The following C2CD3 variants were observed in gnomAD, a reference collection of about 807,000 sequenced individuals.
The protein encoded by C2CD3 is C2 domain containing 3 centriole elongation regulator.
C2CD3 carries 148 observed loss-of-function variants against 234.0 expected under a neutral mutation model. The observed-to-expected ratio is 0.63, with a 90% CI of 0.55 to 0.72. C2CD3 has a LOEUF of 0.72. Ranked by LOEUF, C2CD3 falls within the 30% of genes least tolerant of loss-of-function variation. The probability of loss-of-function intolerance (pLI) is 0.00; values close to 1 mark genes in which losing one functional copy is unlikely to be tolerated. For synonymous variants in C2CD3, 1,000 were observed against 1,035.4 expected, an observed-to-expected ratio of 0.97 and a Z score of 0.66; for missense variants, 2,577 against 2,811.5, an observed-to-expected ratio of 0.92 and a Z score of 1.89.
At chr11:74,075,369 G>T (rs117116373) in intron 23 of C2CD3, among the ~76,000 whole-genome samples, 10,297 of 151,606 alleles carry the variant, frequency 0.068, 417 homozygotes, top group Middle Eastern at 0.13. Flanking sequence ...GATATTTTGG[G>T]GGGGGGTGGG....
At chr11:74,014,157 C>T (rs1284078425) in intron 32 of C2CD3, among the ~76,000 whole-genome samples, 1 of 152,178 alleles carries the variant, frequency 6.6e-6, no homozygotes, top group East Asian at 1.9e-4. Flanking sequence ...TCCTCTAACT[C>T]ATTTTTCTTT....
At position 74,168,484 on chromosome 11, in the gene C2CD3, C is replaced by A; in HGVS notation, c.185G>T (p.Arg62Leu). 1.9e-6 allele frequency: 3 copies of A among 1,614,178 alleles called. No individual in the cohort carries two copies. The highest frequency in any genetic ancestry group is 2.5e-6 in the Non-Finnish European group (3 of 1,180,028). ...TGATGTTTCTCCCCACCATCTCACT[C>A]GGACAAGTACACAAGTGGGAGGCTT... ...IAKPPTCVLV[R>L]VRWWGETSDG... The change falls in exon 2 of 33, where the codon CGA becomes CTA. Residue 62 changes from arginine to leucine, a missense_variant. Arg to Leu is a moderately radical substitution (Grantham distance 102). Coordinates refer to ENST00000334126, the MANE Select transcript of C2CD3 (RefSeq NM_001286577.2).
chr11:74,112,967 C>G (rs1038016054), intron 11 of C2CD3, among the ~76,000 whole-genome samples: 3 of 152,164 alleles, frequency 2.0e-5, no homozygotes, highest in African/African-American at 7.2e-5. Context: ...GAAATGAAAG[C>G]ACACAGTCCA....
At chr11:74,159,515 T>A (rs532272104) in intron 3 of C2CD3, among the ~76,000 whole-genome samples, 1 of 152,148 alleles carries the variant, frequency 6.6e-6, no homozygotes, top group East Asian at 1.9e-4. Flanking sequence ...TGTGTGTTTG[T>A]GTCTAAGTTT....
Position 74,085,764 on chromosome 11 carries a change from C to G in C2CD3, c.3764G>C (p.Cys1255Ser). Residue 1255 changes from cysteine (C) to serine (S), a missense_variant, in exon 21 of 33, where the codon TGT (cysteine) becomes TCT (serine). Physicochemically the swap from Cys to Ser is moderately radical, Grantham distance 112. Transcript: ENST00000334126. ...GEQRRTHPVA[C>S]SFCPEFSHHV... ...ATGGGAGAACTCAGGGCAGAAAGAA[C>G]AGGCCACAGGGTGGGTTCGGCGCTG... 2.5e-6 allele frequency: 4 copies of G among 1,614,144 alleles called. No homozygotes were observed. Among genetic ancestry groups the G allele is most frequent in the Non-Finnish European group, 2.5e-6 (3 of 1,180,024 alleles).
chr11:74,032,473 G>A (rs1952562330), intron 31 of C2CD3, among the ~76,000 whole-genome samples: 2 of 148,128 alleles, frequency 1.4e-5, no homozygotes, highest in Admixed American at 1.3e-4. Flanking sequence ...GGAAGGAGTG[G>A]GGAATGTCAG....
chr11:74,071,322 C>T (rs555258325), intron 24 of C2CD3, among the ~76,000 whole-genome samples: 1 of 152,316 alleles, frequency 6.6e-6, no homozygotes, highest in South Asian at 2.1e-4. Context: ...ATCTGACTTT[C>T]CAGACGTCAC....
Position 74,168,338 on chromosome 11 carries a change from A to G in C2CD3, c.325+6T>C, listed in dbSNP as rs777027571. On this transcript the variant is annotated splice_donor_region_variant and intron_variant, in intron 2 of 32. Coordinates refer to ENST00000334126, the MANE Select transcript of C2CD3 (RefSeq NM_001286577.2). The stretch of plus-strand genomic sequence containing the variant: ...CTGCAGGTGCAATGATAAAACAATA[A>G]CATACCTGTTAGATAAGAGGTAAAC... The G allele has an allele frequency of 1.2e-6, 2 of 1,608,896 alleles. No homozygotes were observed. The highest frequency in any genetic ancestry group is 1.7e-6 in the Non-Finnish European group (2 of 1,175,226).
At chr11:74,116,603 G>T (rs760212724) in intron 9 of C2CD3, among the ~76,000 whole-genome samples, 2 of 151,944 alleles carry the variant, frequency 1.3e-5, no homozygotes, top group African/African-American at 2.4e-5. Flanking sequence ...ACTACCATTT[G>T]ACCCAGCAAT....
At chr11:74,056,347 T>C (rs1205429993) in intron 25 of C2CD3, among the ~76,000 whole-genome samples, 1 of 152,256 alleles carries the variant, frequency 6.6e-6, no homozygotes, top group Non-Finnish European at 1.5e-5. Context: ...TGGCTTCCTA[T>C]GCCAGCCCCC....
At chr11:74,153,501 C>T (rs1855813785) in intron 3 of C2CD3, among the ~76,000 whole-genome samples, 1 of 152,012 alleles carries the variant, frequency 6.6e-6, no homozygotes. Flanking sequence ...TATATGCAAG[C>T]CTGCATGATG....
chr11:74,069,956 T>TA (rs761779694), intron 24 of C2CD3, among the ~76,000 whole-genome samples: 8 of 152,152 alleles, frequency 5.3e-5, no homozygotes, highest in Non-Finnish European at 1.2e-4. Flanking sequence ...CCCAATAAGA[T>TA]AAAGACTATG....
chr11:74,030,816 CCTGT>C (rs1460960202), intron 31 of C2CD3, among the ~76,000 whole-genome samples: 2 of 152,206 alleles, frequency 1.3e-5, no homozygotes, highest in East Asian at 1.9e-4. Context: ...GTCTCCCAAA[CCTGT>C]CTATGTGCTG....
At chr11:74,069,890 G>A (rs1954716520) in intron 24 of C2CD3, among the ~76,000 whole-genome samples, 1 of 152,142 alleles carries the variant, frequency 6.6e-6, no homozygotes, top group Non-Finnish European at 1.5e-5. Flanking sequence ...CCTGTACAAG[G>A]TGAGTCAGAT....
At chr11:74,066,585 A>G (rs1196607804) in intron 24 of C2CD3, among the ~76,000 whole-genome samples, 3 of 152,150 alleles carry the variant, frequency 2.0e-5, no homozygotes, top group African/African-American at 7.2e-5. Flanking sequence ...TCTTTCAGGG[A>G]AAGAAAAGTA....
Position 74,078,477 on chromosome 11 carries a change from A to T in C2CD3, c.4241T>A (p.Leu1414Gln). 6.2e-7 allele frequency: 1 copy of T among 1,614,212 alleles called. No homozygotes were observed. ...PATVTISTPR[L>Q]WLPIHCVLLA... Reference sequence around the variant, plus strand: ...CAGCACACAATGGATGGGCAGCCACAGCCTTGGGGTGGAGATGGTGACAGT... The same window carrying T: ...CAGCACACAATGGATGGGCAGCCACTGCCTTGGGGTGGAGATGGTGACAGT... Residue 1414 changes from leucine to glutamine, a missense_variant, in exon 23 of 33, where the codon CTG (leucine) becomes CAG (glutamine). By Grantham distance (113) the Leu-to-Gln change is moderately radical. Transcript: ENST00000334126.
intron 29 of C2CD3, among the ~76,000 whole-genome samples, chr11:74,039,015 A>G (rs1952878390): frequency 6.6e-6 from 1 of 152,234 alleles, no homozygotes; most frequent in Non-Finnish European, 1.5e-5. Flanking sequence ...TCCAAATGAG[A>G]GGACAAAGTT....
chr11:74,113,677 G>A, intron 11 of C2CD3, 103 bp downstream of exon 11: 1 of 684,300 alleles, frequency 1.5e-6, no homozygotes, highest in Non-Finnish European at 2.5e-6. Flanking sequence ...GAGACTCCAT[G>A]TCAAAAAAAA....
chr11:74,151,187 G>C (rs1855628513), intron 3 of C2CD3, among the ~76,000 whole-genome samples: 1 of 152,204 alleles, frequency 6.6e-6, no homozygotes, highest in Non-Finnish European at 1.5e-5. Flanking sequence ...GCCTCCCAAA[G>C]TGCTGGGATT....
Sources: gnomAD v4.1 joint callset for allele counts (sites outside exome capture counted in the v4.1 genomes callset) on GRCh38, gnomAD v4.1.1 for gene constraint, MANE v1.5 for transcripts, NCBI Gene and HGNC (gene_info 2026-07-23, HGNC 2026-07-21) for gene names.